Variants in NMBR observed in about 807,000 individuals in gnomAD.
NMBR encodes the protein neuromedin B receptor, also known as neuromedin-B receptor.
NMBR carries 16 observed loss-of-function variants against 20.5 expected under a neutral mutation model. That is an observed-to-expected ratio of 0.78 (90% CI 0.53 to 1.19). NMBR has a LOEUF of 1.19. NMBR is among the 50% of genes most tolerant of loss of function. The pLI, the probability that NMBR is intolerant of heterozygous loss-of-function variation, is 0.00. For missense variants in NMBR, 582 were observed against 499.1 expected (o/e 1.17, Z -1.58); for synonymous variants, 212 against 196.6 (o/e 1.08, Z -0.65).
chr6:142,139,319 C>T (rs575106377), intron 1 of NMBR, among the ~76,000 whole-genome samples: 3 of 152,312 alleles, frequency 2.0e-5, no homozygotes, highest in African/African-American at 4.8e-5. Context: ...GCATTGTCAA[C>T]GTATATCCCT....
At chr6:142,079,380 C>G (rs1777046765) in intron 2 of NMBR, among the ~76,000 whole-genome samples, 1 of 151,988 alleles carries the variant, frequency 6.6e-6, no homozygotes, top group South Asian at 2.1e-4. Flanking sequence ...CTTATTAGCA[C>G]AGAAAACAAA....
chr6:142,104,084 G>A (rs1194178028), intron 1 of NMBR, among the ~76,000 whole-genome samples: 5 of 152,176 alleles, frequency 3.3e-5, no homozygotes, highest in African/African-American at 7.2e-5. Context: ...TGACTATGTC[G>A]GCCATACTGG....
intron 1 of NMBR, among the ~76,000 whole-genome samples, chr6:142,108,792 C>T (rs763487590): frequency 6.6e-6 from 1 of 151,900 alleles, no homozygotes; most frequent in Admixed American, 6.5e-5. Context: ...ACCAATCACG[C>T]CTTTCCAATA....
chr6:142,134,329 C>G (rs192818568), intron 1 of NMBR, among the ~76,000 whole-genome samples: 1 of 152,186 alleles, frequency 6.6e-6, no homozygotes, highest in African/African-American at 2.4e-5. Flanking sequence ...CATTGAGAGG[C>G]AATTACAGTA....
Position 142,074,765 on chromosome 6 carries a change from T to C in NMBR, c.*883A>G, listed in dbSNP as rs750678790. Among the ~76,000 whole-genome samples, 2 of 152,168 alleles carry C rather than the reference T, an allele frequency of 1.3e-5. No individual in the cohort carries two copies. Among genetic ancestry groups the C allele is most frequent in the African/African-American group, 2.4e-5 (1 of 41,456 alleles). On this transcript the variant is annotated 3_prime_UTR_variant, in exon 4 of 4. Coordinates refer to ENST00000258042, the MANE Select transcript of NMBR (RefSeq NM_002511.4). ...AAATATTCGAGGATTTAGCAATGTA[T>C]ACTAAGATGGCCATGCAAACTTGTG... is the stretch of plus-strand genomic sequence containing the variant.
chr6:142,086,595 C>CG (rs1224168544), intron 2 of NMBR, among the ~76,000 whole-genome samples: 1 of 152,012 alleles, frequency 6.6e-6, no homozygotes, highest in Non-Finnish European at 1.5e-5. Flanking sequence ...GGGTAGCCTA[C>CG]GGACCAAGTA....
At chr6:142,113,556 A>G (rs1777806566) in intron 1 of NMBR, among the ~76,000 whole-genome samples, 1 of 152,170 alleles carries the variant, frequency 6.6e-6, no homozygotes, top group Non-Finnish European at 1.5e-5. Flanking sequence ...ATAATAAAAC[A>G]ATATAAAATA....
chr6:142,083,934 G>C (rs1445766874), intron 2 of NMBR, among the ~76,000 whole-genome samples: 1 of 152,202 alleles, frequency 6.6e-6, no homozygotes, highest in Admixed American at 6.5e-5. Flanking sequence ...TATAGGGTAA[G>C]TGTGGACTAT....
intron 1 of NMBR, among the ~76,000 whole-genome samples, chr6:142,098,052 C>G (rs968300229): frequency 6.6e-6 from 1 of 151,886 alleles, no homozygotes; most frequent in African/African-American, 2.4e-5. Context: ...CTCTGGAAAA[C>G]TTTAAGTGGC....
At chr6:142,108,824 T>C (rs1777707238) in intron 1 of NMBR, among the ~76,000 whole-genome samples, 1 of 152,180 alleles carries the variant, frequency 6.6e-6, no homozygotes, top group South Asian at 2.1e-4. Context: ...TCTTAGCTCA[T>C]TCTAGCATTA....
intron 1 of NMBR, among the ~76,000 whole-genome samples, chr6:142,091,585 A>G (rs1777324395): frequency 6.6e-6 from 1 of 152,170 alleles, no homozygotes; most frequent in Admixed American, 6.5e-5. Context: ...TTAGACTCAT[A>G]TACTTAATGT....
chr6:142,079,126 G>GAAAGAAAGAAA (rs11451074), intron 2 of NMBR, among the ~76,000 whole-genome samples: 1 of 103,278 alleles, frequency 9.7e-6, no homozygotes, highest in Non-Finnish European at 1.9e-5. Context: ...AAGAAAGAAA[G>GAAAGAAAGAAA]AAGAAAGAAA....
At chr6:142,079,740 A>G (rs1230782448) in intron 2 of NMBR, among the ~76,000 whole-genome samples, 2 of 152,136 alleles carry the variant, frequency 1.3e-5, no homozygotes, top group African/African-American at 4.8e-5. Flanking sequence ...GGACTGAAAA[A>G]CTTGAAAGCA....
intron 2 of NMBR, among the ~76,000 whole-genome samples, chr6:142,087,029 A>T (rs1216841470): frequency 1.3e-5 from 2 of 152,206 alleles, no homozygotes; most frequent in Middle Eastern, 3.2e-3. Flanking sequence ...GATAATAGAA[A>T]TGCTGCCACA....
At chr6:142,077,758 C>T (rs907694505) in intron 3 of NMBR, among the ~76,000 whole-genome samples, 5 of 152,160 alleles carry the variant, frequency 3.3e-5, no homozygotes, top group Non-Finnish European at 5.9e-5. Context: ...AATTTGGAAA[C>T]AAGCATCGGT....
In NMBR at chr6:142,142,512, T is replaced by C. The variant is rs114293821; in HGVS notation, c.-664+4532A>G. On this transcript the variant is annotated intron_variant, in intron 1 of 3. Transcript: ENST00000258042. ...AAAACCCTAAACCTCTCACTTTAAA[T>C]GAGATCTACCTAAGCTTGATAAATA... Among the ~76,000 whole-genome samples the C allele has an allele frequency of 2.1e-3, 315 of 152,198 alleles. 1 individual carries two copies. The highest frequency in any genetic ancestry group is 7.3e-3 in the African/African-American group (304 of 41,538).
Position 142,114,839 on chromosome 6 carries a change from A to T in NMBR, c.-663-25518T>A, listed in dbSNP as rs566553113. Among the ~76,000 whole-genome samples the T allele has an allele frequency of 2.0e-5, 3 of 152,176 alleles. No individual in the cohort carries two copies. In the South Asian group the frequency reaches 6.2e-4, roughly 32 times the overall value. ...TGCTAATTTACTTTCATTATCTCTT[A>T]TCATATTCATAGCAACACTATGAAC... On this transcript the variant is annotated intron_variant, in intron 1 of 3. Coordinates refer to ENST00000258042, the MANE Select transcript of NMBR (RefSeq NM_002511.4).
At chr6:142,122,844 C>T (rs1045902036) in intron 1 of NMBR, among the ~76,000 whole-genome samples, 1 of 151,782 alleles carries the variant, frequency 6.6e-6, no homozygotes, top group Non-Finnish European at 1.5e-5. Context: ...AAAAAGGATT[C>T]CTTTCAAAAT....
chr6:142,087,349 A>G (rs1044327373), intron 2 of NMBR, among the ~76,000 whole-genome samples: 6 of 152,208 alleles, frequency 3.9e-5, no homozygotes, highest in African/African-American at 1.4e-4. Flanking sequence ...CCACCAAGGG[A>G]ATTAAACCAC....
Sources: gnomAD v4.1 joint callset for allele counts (sites outside exome capture counted in the v4.1 genomes callset) on GRCh38, gnomAD v4.1.1 for gene constraint, MANE v1.5 for transcripts, NCBI Gene and HGNC (gene_info 2026-07-23, HGNC 2026-07-21) for gene names.